Variants in SAFB2 observed in about 807,000 individuals in gnomAD.
SAFB2 encodes the protein scaffold attachment factor B2.
Under a neutral mutation model 100.6 loss-of-function variants are expected in SAFB2, and 32 were observed. The observed-to-expected ratio is 0.32, with a 90% CI of 0.24 to 0.43. SAFB2 has a LOEUF of 0.43. SAFB2 is among the 20% of genes least tolerant of loss of function. The probability of loss-of-function intolerance (pLI) is 1.00; values close to 1 mark genes in which losing one functional copy is unlikely to be tolerated. For synonymous variants in SAFB2, 500 were observed against 439.4 expected, an observed-to-expected ratio of 1.14 and a Z score of -1.72; for missense variants, 1,185 against 1,163.4, an observed-to-expected ratio of 1.02 and a Z score of -0.27.
chr19:5,590,083 C>G (rs554431601), intron 18 of SAFB2, among the ~76,000 whole-genome samples, 195 bp downstream of exon 18: 1 of 152,322 alleles, frequency 6.6e-6, no homozygotes, highest in Admixed American at 6.5e-5. Flanking sequence ...AGCTCCATCC[C>G]TGAAAGCCTG....
chr19:5,602,156 A>G (rs2052672005), intron 11 of SAFB2, among the ~76,000 whole-genome samples: 1 of 152,126 alleles, frequency 6.6e-6, no homozygotes, highest in Non-Finnish European at 1.5e-5. Flanking sequence ...CCTCCTAGGC[A>G]AACAACCTGC....
rs1228360282 is a variant in SAFB2 at position 5,591,731 on chromosome 19, A to G, written c.2394+17T>C. The G allele has an allele frequency of 2.5e-6, 4 of 1,612,014 alleles. No individual in the cohort carries two copies. The Admixed American group carries it at 5.0e-5, about 20-fold the overall frequency. ...CAGTACAGTGGCCCCAGGGCTTGGCATCGGGGCTCTACTCACCTGCCCATC... is the reference window on the plus strand; with the variant it reads ...CAGTACAGTGGCCCCAGGGCTTGGCGTCGGGGCTCTACTCACCTGCCCATC... On this transcript the variant is annotated intron_variant, in intron 17 of 20. Coordinates refer to ENST00000252542, the MANE Select transcript of SAFB2 (RefSeq NM_014649.3).
In SAFB2 at chr19:5,610,649, T is replaced by G; in HGVS notation, c.1185A>C (p.Lys395Asn). The G allele has an allele frequency of 6.4e-7, 1 of 1,571,746 alleles. No homozygotes were observed. The highest frequency in any genetic ancestry group is 1.1e-5 in the South Asian group (1 of 87,540). ...TAAATTAAATCATACCTTTTTCATCTTTAATGATTGGCTTTATATCTTTTT... is the reference window on the plus strand; with the variant it reads ...TAAATTAAATCATACCTTTTTCATCGTTAATGATTGGCTTTATATCTTTTT... Reference protein sequence around the residue: ...KEEKDIKPIIKDEKGRVGSGS... With the variant: ...KEEKDIKPIINDEKGRVGSGS... The change falls in exon 8 of 21, where the codon AAA (lysine) becomes AAC (asparagine). Residue 395 changes from lysine to asparagine, a missense_variant. By Grantham distance (94) the Lys-to-Asn change is moderately conservative. This residue lies in a region of SAFB2 where 351 missense variants were observed against 341.2 expected (regional missense o/e 1.03). Coordinates refer to ENST00000252542, the MANE Select transcript of SAFB2 (RefSeq NM_014649.3).
In SAFB2 at chr19:5,620,983, A is replaced by G. The variant is rs912167188; in HGVS notation, c.274+326T>C. ...AGACCTATTTTTTGAACCAGGAAGG[A>G]AGCCAAGTAGGTACATTTGGTTCCT... On this transcript the variant is annotated intron_variant, in intron 2 of 20. Transcript: ENST00000252542. 5.3e-5 allele frequency among the ~76,000 whole-genome samples: 8 copies of G among 152,216 alleles called. No individual in the cohort carries two copies. In the South Asian group the frequency reaches 1.7e-3, roughly 31 times the overall value.
chr19:5,602,319 A>G (rs941701295), intron 11 of SAFB2, among the ~76,000 whole-genome samples: 3 of 151,728 alleles, frequency 2.0e-5, no homozygotes, highest in Non-Finnish European at 4.4e-5. Flanking sequence ...CAACTAAAAA[A>G]TACAAAAAAA....
intron 12 of SAFB2, among the ~76,000 whole-genome samples, chr19:5,599,793 G>A (rs2052615771): frequency 6.6e-6 from 1 of 152,020 alleles, no homozygotes; most frequent in Admixed American, 6.6e-5. Context: ...CTGCACACCT[G>A]CAAAATAGCA....
At position 5,593,924 on chromosome 19, in the gene SAFB2, C is replaced by CGCTCCTGCTCGTAACGCAGCT. The variant is rs1291032881; in HGVS notation, c.2153_2173dup (p.Gln718_Glu724dup). On this transcript the variant is annotated inframe_insertion, in exon 15 of 21. Transcript: ENST00000252542. ...GTCGTAGGGCCTCCGCCCGGGCCGC[C>CGCTCCTGCTCGTAACGCAGCT]GCTCCTGCTCGTAACGCAGCTGCTC... 21 of 1,536,468 alleles carry CGCTCCTGCTCGTAACGCAGCT rather than the reference C, an allele frequency of 1.4e-5. No homozygotes were observed. The highest frequency in any genetic ancestry group is 2.0e-5 in the Admixed American group (1 of 51,068).
chr19:5,595,257 C>G, intron 14 of SAFB2, 104 bp downstream of exon 14: 2 of 1,459,692 alleles, frequency 1.4e-6, no homozygotes, highest in Non-Finnish European at 1.8e-6. Context: ...AGCCCAGGCA[C>G]TGGCTCTCGG....
intron 14 of SAFB2, among the ~76,000 whole-genome samples, chr19:5,595,101 G>C (rs2052507700): frequency 6.6e-6 from 1 of 152,194 alleles, no homozygotes; most frequent in African/African-American, 2.4e-5. Context: ...CTCTGGCCCT[G>C]GCATCCCAAA....
chr19:5,592,982 C>A, intron 15 of SAFB2, 95 bp from the exon 16 acceptor site: 1 of 1,163,734 alleles, frequency 8.6e-7, no homozygotes, highest in East Asian at 2.5e-5. Flanking sequence ...AGCTCTCTCC[C>A]CAGACCCAGT....
chr19:5,603,582 A>G (rs1387563469), intron 11 of SAFB2, among the ~76,000 whole-genome samples: 2 of 152,252 alleles, frequency 1.3e-5, no homozygotes, highest in Non-Finnish European at 2.9e-5. Flanking sequence ...ACCCCTTTAT[A>G]AAAATAGAAC....
intron 17 of SAFB2, chr19:5,591,212 A>T (rs1341382395): frequency 6.5e-6 from 1 of 152,688 alleles, no homozygotes. Flanking sequence ...ATGAAGAACA[A>T]GCCCAACATA....
chr19:5,612,517 T>C, intron 6 of SAFB2, 23 bp downstream of exon 6: 1 of 1,606,638 alleles, frequency 6.2e-7, no homozygotes, highest in East Asian at 2.2e-5. Flanking sequence ...AAACCATAAC[T>C]GTCGTGTTTC....
intron 15 of SAFB2, 166 bp downstream of exon 15, chr19:5,593,725 T>C: frequency 2.9e-6 from 2 of 686,698 alleles, no homozygotes; most frequent in Non-Finnish European, 4.5e-6. Flanking sequence ...CTAATAAACC[T>C]GCAGCAGCGC....
intron 11 of SAFB2, among the ~76,000 whole-genome samples, chr19:5,600,643 T>C (rs1372708444): frequency 6.6e-6 from 1 of 152,208 alleles, no homozygotes; most frequent in Admixed American, 6.5e-5. Flanking sequence ...ATAAGCTTTA[T>C]AGGGAAAAGC....
chr19:5,598,747 C>T (rs902979176), intron 13 of SAFB2, 46 bp downstream of exon 13: 11 of 1,544,058 alleles, frequency 7.1e-6, no homozygotes, highest in Non-Finnish European at 9.9e-6. Context: ...GCCGTGGAGC[C>T]ATCGTGAGAA....
chr19:5,600,708 C>G (rs1425588172), intron 11 of SAFB2, among the ~76,000 whole-genome samples: 2 of 152,178 alleles, frequency 1.3e-5, no homozygotes, highest in African/African-American at 4.8e-5. Flanking sequence ...GGACACCAAG[C>G]CCCCACTGCA....
intron 12 of SAFB2, among the ~76,000 whole-genome samples, chr19:5,599,605 T>G (rs999517368): frequency 2.6e-5 from 4 of 151,484 alleles, no homozygotes; most frequent in African/African-American, 7.2e-5. Flanking sequence ...TATTTTTTTT[T>G]GCCACTAAAC....
intron 17 of SAFB2, among the ~76,000 whole-genome samples, chr19:5,590,877 C>T (rs1708371432): frequency 6.6e-6 from 1 of 152,222 alleles, no homozygotes; most frequent in Admixed American, 6.5e-5. Context: ...CCTGCTGTTA[C>T]AGGCCATTAC....
Sources: gnomAD v4.1 joint callset for allele counts (sites outside exome capture counted in the v4.1 genomes callset) on GRCh38, gnomAD v4.1.1 for gene constraint, gnomAD v4.1.1 regional missense constraint, MANE v1.5 for transcripts, NCBI Gene and HGNC (gene_info 2026-07-23, HGNC 2026-07-21) for gene names.